The following SPAG16 variants were observed in gnomAD, a reference collection of about 807,000 sequenced individuals.
SPAG16 encodes sperm associated antigen 16, also known as sperm-associated antigen 16 protein.
In SPAG16, 86 loss-of-function variants were observed where a neutral mutation model predicts 80.4. The ratio of observed to expected loss-of-function variants is 1.07; its 90% confidence interval spans 0.90 to 1.28. The LOEUF is 1.28. Ranked by LOEUF, SPAG16 falls within the 50% of genes most tolerant of loss-of-function variation. The probability of loss-of-function intolerance (pLI) is 0.00; values close to 1 mark genes in which losing one functional copy is unlikely to be tolerated. For synonymous variants in SPAG16, 294 were observed against 265.9 expected, an observed-to-expected ratio of 1.11 and a Z score of -1.03; for missense variants, 870 against 765.3, an observed-to-expected ratio of 1.14 and a Z score of -1.61.
chr2:213,304,571 G>T (rs1277920969), intron 3 of SPAG16, among the ~76,000 whole-genome samples: 1 of 152,086 alleles, frequency 6.6e-6, no homozygotes, highest in Non-Finnish European at 1.5e-5. Context: ...AGGGATAGGG[G>T]TCTAGTTTGA....
intron 11 of SPAG16, 94 bp from the exon 12 acceptor site, chr2:213,929,866 C>G (rs940639913): frequency 3.8e-6 from 4 of 1,053,310 alleles, no homozygotes; most frequent in Non-Finnish European, 5.6e-6. Flanking sequence ...AAATCAGATA[C>G]ATACACATAC....
At chr2:214,206,021 C>T (rs995895657) in intron 15 of SPAG16, among the ~76,000 whole-genome samples, 8 of 131,452 alleles carry the variant, frequency 6.1e-5, no homozygotes, top group Non-Finnish European at 1.1e-4. Flanking sequence ...GGTGAAACCC[C>T]GTCTCTACTA....
At chr2:213,780,925 G>A (rs576132055) in intron 10 of SPAG16, among the ~76,000 whole-genome samples, 1 of 152,180 alleles carries the variant, frequency 6.6e-6, no homozygotes, top group Non-Finnish European at 1.5e-5. Flanking sequence ...ACCACTAGCT[G>A]TATATCATAT....
intron 12 of SPAG16, among the ~76,000 whole-genome samples, chr2:213,982,091 T>C (rs2045778175): frequency 6.6e-6 from 1 of 150,676 alleles, no homozygotes; most frequent in Non-Finnish European, 1.5e-5. Flanking sequence ...TAGTGAAATA[T>C]AAAATGATGT....
At chr2:213,422,606 A>G (rs1369158890) in intron 9 of SPAG16, 3 of 356,100 alleles carry the variant, frequency 8.4e-6, no homozygotes, top group East Asian at 4.7e-5. Context: ...CTGGCTGGAA[A>G]AGTGACACCC....
At chr2:213,485,880 T>C (rs1167019867) in intron 9 of SPAG16, among the ~76,000 whole-genome samples, 1 of 152,048 alleles carries the variant, frequency 6.6e-6, no homozygotes, top group African/African-American at 2.4e-5. Context: ...ATAGATAGCT[T>C]GGCTTCCCGT....
intron 15 of SPAG16, among the ~76,000 whole-genome samples, chr2:214,273,324 T>C (rs924752460): frequency 6.6e-6 from 1 of 152,202 alleles, no homozygotes. Context: ...TTTTGGCTTT[T>C]GTTGCCATTG....
intron 10 of SPAG16, among the ~76,000 whole-genome samples, chr2:213,795,109 A>T (rs2125620632): frequency 6.6e-6 from 1 of 152,290 alleles, no homozygotes; most frequent in Admixed American, 6.5e-5. Context: ...TCAGTATATC[A>T]TTATAGATAA....
intron 11 of SPAG16, among the ~76,000 whole-genome samples, chr2:213,893,651 C>T (rs530425421): frequency 6.6e-6 from 1 of 151,618 alleles, no homozygotes; most frequent in Non-Finnish European, 1.5e-5. Flanking sequence ...TCTTTGTGAT[C>T]TAAGATAACT....
At position 213,852,996 on chromosome 2, in the gene SPAG16, A is replaced by C. The variant is rs1163036387; in HGVS notation, c.1071-9489A>C. Reference sequence around the variant, plus strand: ...TTATGTATTTGTTCTGGCAACCTGAATAAAAGCATATGTAATCTGTGAGTG... The same window carrying C: ...TTATGTATTTGTTCTGGCAACCTGACTAAAAGCATATGTAATCTGTGAGTG... On this transcript the variant is annotated intron_variant, in intron 10 of 15. Transcript: ENST00000331683. Among the ~76,000 whole-genome samples the C allele has an allele frequency of 2.6e-5, 4 of 152,242 alleles. No individual in the cohort carries two copies. The East Asian group carries it at 7.7e-4, about 29-fold the overall frequency.
intron 10 of SPAG16, among the ~76,000 whole-genome samples, chr2:213,733,388 G>T (rs2067143406): frequency 6.6e-6 from 1 of 152,074 alleles, no homozygotes; most frequent in Admixed American, 6.5e-5. Flanking sequence ...CTCCAGTTGG[G>T]AGGAGGAATA....
intron 15 of SPAG16, among the ~76,000 whole-genome samples, chr2:214,337,634 A>C (rs547719575): frequency 6.6e-6 from 1 of 152,314 alleles, no homozygotes; most frequent in South Asian, 2.1e-4. Flanking sequence ...TATTTTTTAC[A>C]GGAAAGTGCA....
intron 15 of SPAG16, among the ~76,000 whole-genome samples, chr2:214,258,471 G>GTGTGTGTGTGTATATATATT (rs1553539128): frequency 7.1e-6 from 1 of 141,416 alleles, no homozygotes; most frequent in African/African-American, 2.6e-5. Context: ...ATGTGTGTGT[G>GTGTGTGTGTGTATATATATT]TATATATATA....
At chr2:213,446,589 C>G (rs945812339) in intron 9 of SPAG16, among the ~76,000 whole-genome samples, 3 of 152,166 alleles carry the variant, frequency 2.0e-5, no homozygotes, top group African/African-American at 7.2e-5. Context: ...TAATTCTCCT[C>G]CTTATACTTT....
chr2:214,211,738 G>A (rs1350336391), intron 15 of SPAG16, among the ~76,000 whole-genome samples: 1 of 152,162 alleles, frequency 6.6e-6, no homozygotes, highest in East Asian at 1.9e-4. Flanking sequence ...TCATTACTAA[G>A]AATTTTTCTT....
At chr2:213,777,051 T>C (rs1162002506) in intron 10 of SPAG16, among the ~76,000 whole-genome samples, 2 of 152,034 alleles carry the variant, frequency 1.3e-5, no homozygotes, top group Non-Finnish European at 2.9e-5. Context: ...TAAAATGTCA[T>C]AGGTTTCTTT....
At chr2:213,478,432 G>A (rs894132073) in intron 9 of SPAG16, among the ~76,000 whole-genome samples, 2 of 152,150 alleles carry the variant, frequency 1.3e-5, no homozygotes, top group Non-Finnish European at 2.9e-5. Context: ...AAAGGGATTT[G>A]TAAATTCTGT....
At chr2:214,174,370 A>G (rs568290093) in intron 15 of SPAG16, among the ~76,000 whole-genome samples, 2 of 152,136 alleles carry the variant, frequency 1.3e-5, no homozygotes, top group South Asian at 2.1e-4. Flanking sequence ...CTGATAAGCA[A>G]CTTCAACAAA....
intron 15 of SPAG16, among the ~76,000 whole-genome samples, chr2:214,343,637 C>T (rs1298018018): frequency 6.6e-6 from 1 of 151,916 alleles, no homozygotes; most frequent in Non-Finnish European, 1.5e-5. Context: ...TGACATTAAG[C>T]CAACTAAGAC....
Sources: gnomAD v4.1 joint callset for allele counts (sites outside exome capture counted in the v4.1 genomes callset) on GRCh38, gnomAD v4.1.1 for gene constraint, MANE v1.5 for transcripts, NCBI Gene and HGNC (gene_info 2026-07-23, HGNC 2026-07-21) for gene names.